The following CCDC149 variants were observed in gnomAD, a reference collection of about 807,000 sequenced individuals.
CCDC149 encodes coiled-coil domain-containing protein 149.
CCDC149 carries 45 observed loss-of-function variants against 59.9 expected under a neutral mutation model. The observed-to-expected ratio is 0.75, with a 90% CI of 0.59 to 0.96. The LOEUF is 0.96. Ranked by LOEUF, CCDC149 falls within the 40% of genes least tolerant of loss-of-function variation. CCDC149 has a pLI of 0.00. For synonymous variants in CCDC149, 245 were observed against 260.6 expected (o/e 0.94, Z 0.58); for missense variants, 584 against 664.7 (o/e 0.88, Z 1.33).
At chr4:24,912,777 C>G (rs778726603) in intron 1 of CCDC149, 40 bp downstream of exon 1, 3 of 1,213,982 alleles carry the variant, frequency 2.5e-6, no homozygotes, top group South Asian at 5.9e-5. Flanking sequence ...GGCGGCCGCT[C>G]GGCCCGGCCC....
At chr4:24,842,556 G>A (rs926610305) in intron 4 of CCDC149, among the ~76,000 whole-genome samples, 3 of 152,286 alleles carry the variant, frequency 2.0e-5, no homozygotes, top group East Asian at 1.9e-4. Context: ...GCCACCAATA[G>A]ACGCATTCAG....
At chr4:24,848,337 G>A (rs1176225627) in intron 4 of CCDC149, among the ~76,000 whole-genome samples, 4 of 152,234 alleles carry the variant, frequency 2.6e-5, no homozygotes, top group African/African-American at 4.8e-5. Flanking sequence ...TTGGGATGCC[G>A]AGGTGGGTGG....
intron 1 of CCDC149, among the ~76,000 whole-genome samples, chr4:24,889,212 G>C (rs1036198688): frequency 6.6e-6 from 1 of 152,036 alleles, no homozygotes; most frequent in Non-Finnish European, 1.5e-5. Flanking sequence ...CACCATCTCA[G>C]TCTCTGCATT....
At chr4:24,959,879 A>G (rs1162395585) in intron 1 of CCDC149, among the ~76,000 whole-genome samples, 1 of 152,244 alleles carries the variant, frequency 6.6e-6, no homozygotes, top group Non-Finnish European at 1.5e-5. Flanking sequence ...ATTCACCACC[A>G]GTAGACCTGC....
chr4:24,933,931 C>A (rs186514044), intron 1 of CCDC149, among the ~76,000 whole-genome samples: 538 of 152,292 alleles, frequency 3.5e-3, no homozygotes, highest in South Asian at 6.4e-3. Flanking sequence ...CATTCTGTTG[C>A]CAACGATGCT....
At chr4:24,943,263 A>T (rs1723003582) in intron 1 of CCDC149, among the ~76,000 whole-genome samples, 1 of 152,174 alleles carries the variant, frequency 6.6e-6, no homozygotes, top group African/African-American at 2.4e-5. Context: ...ATAATGCCGC[A>T]TATCTACAAC....
At chr4:24,935,846 T>C (rs1186628573) in intron 1 of CCDC149, among the ~76,000 whole-genome samples, 1 of 152,234 alleles carries the variant, frequency 6.6e-6, no homozygotes, top group East Asian at 1.9e-4. Context: ...GCGAGTCATC[T>C]ATATATAGCT....
At chr4:24,952,852 C>T (rs760170000) in intron 1 of CCDC149, among the ~76,000 whole-genome samples, 8 of 151,868 alleles carry the variant, frequency 5.3e-5, no homozygotes, top group African/African-American at 1.4e-4. Context: ...TTCCCCATCC[C>T]CTGGCAACCA....
At chr4:24,830,036 A>G (rs1716035840) in intron 9 of CCDC149, 1 of 152,876 alleles carries the variant, frequency 6.5e-6, no homozygotes, top group African/African-American at 2.4e-5. Flanking sequence ...AAGAGGAAAG[A>G]TCCCATGGAC....
intron 3 of CCDC149, among the ~76,000 whole-genome samples, chr4:24,866,300 T>C (rs561132975): frequency 6.6e-6 from 1 of 152,252 alleles, no homozygotes; most frequent in Non-Finnish European, 1.5e-5. Context: ...GTGGTACGTC[T>C]GCTTGAAATC....
intron 1 of CCDC149, among the ~76,000 whole-genome samples, chr4:24,923,559 T>C (rs1304571821): frequency 6.6e-6 from 1 of 152,110 alleles, no homozygotes. Flanking sequence ...CTGAAGGATG[T>C]ATAAAAGTTA....
rs979371211 is a variant in CCDC149 at position 24,837,576 on chromosome 4, T to C, written c.490-176A>G. ...TACAATAACAGCTAAAAGCGAGGGATGACTTCCTGCCAGACATTCATTATA... is the reference window on the plus strand; with the variant it reads ...TACAATAACAGCTAAAAGCGAGGGACGACTTCCTGCCAGACATTCATTATA... On this transcript the variant is annotated intron_variant, in intron 5 of 12. Transcript: ENST00000635206. This position sits in a 1 kb window ranked among gnomAD's most constrained non-coding sequence, Gnocchi z 4.3. Among the ~76,000 whole-genome samples the C allele has an allele frequency of 6.6e-6, 1 of 152,214 alleles. No homozygotes were observed. The highest frequency in any genetic ancestry group is 6.5e-5 in the Admixed American group (1 of 15,286).
chr4:24,975,573 G>T (rs1724149449), intron 1 of CCDC149, among the ~76,000 whole-genome samples: 2 of 135,320 alleles, frequency 1.5e-5, no homozygotes, highest in Non-Finnish European at 3.1e-5. Context: ...GAGGGGAGGG[G>T]AAGAGAGGAG....
chr4:24,833,090 T>G (rs909963641), intron 8 of CCDC149, among the ~76,000 whole-genome samples: 1 of 152,112 alleles, frequency 6.6e-6, no homozygotes, highest in African/African-American at 2.4e-5. Flanking sequence ...CAAGTCTGCT[T>G]TGGGTTTTTT....
At chr4:24,888,989 G>A (rs1482998883) in intron 1 of CCDC149, among the ~76,000 whole-genome samples, 1 of 151,794 alleles carries the variant, frequency 6.6e-6, no homozygotes, top group Non-Finnish European at 1.5e-5. Flanking sequence ...ACTTTTGACA[G>A]GCAAACTTTG....
chr4:24,928,450 T>G (rs186419101), intron 1 of CCDC149, among the ~76,000 whole-genome samples: 1 of 152,320 alleles, frequency 6.6e-6, no homozygotes, highest in East Asian at 1.9e-4. Context: ...GAATGGATGG[T>G]ATGCATAAAA....
rs1185808912 is a variant in CCDC149, at chr4:24,808,149, C to A, written c.*240G>T. 8.3e-6 allele frequency: 3 copies of A among 360,808 alleles called. No homozygotes were observed. Among genetic ancestry groups the A allele is most frequent in the Middle Eastern group, 7.1e-4 (1 of 1,412 alleles). 22.4% of individuals were successfully genotyped at this position (360,808 alleles called of 1,614,324 possible). A position where few individuals can be genotyped will look rare whatever the true frequency, so the allele number is the denominator to read the frequency against. Reference sequence around the variant, plus strand: ...CGATTCCTGGGCCTGGCCCTGTTCACAGTAGCACTCTCTGGCAGAAAAGAG... The same window carrying A: ...CGATTCCTGGGCCTGGCCCTGTTCAAAGTAGCACTCTCTGGCAGAAAAGAG... On this transcript the variant is annotated 3_prime_UTR_variant, in exon 13 of 13. Coordinates refer to ENST00000635206, the MANE Select transcript of CCDC149 (RefSeq NM_001330643.2).
chr4:24,967,539 C>G (rs1412408191), intron 1 of CCDC149, among the ~76,000 whole-genome samples: 2 of 151,872 alleles, frequency 1.3e-5, no homozygotes, highest in Non-Finnish European at 2.9e-5. Flanking sequence ...GCATTTTTCT[C>G]CACAGACATC....
intron 3 of CCDC149, among the ~76,000 whole-genome samples, chr4:24,864,777 A>T (rs1342651339): frequency 6.6e-6 from 1 of 152,248 alleles, no homozygotes; most frequent in Non-Finnish European, 1.5e-5. Context: ...CTTGAACAAC[A>T]CAGGCTTGAA....
Sources: gnomAD v4.1 joint callset for allele counts (sites outside exome capture counted in the v4.1 genomes callset) on GRCh38, gnomAD v4.1.1 for gene constraint, Gnocchi (gnomAD v3.1) non-coding constraint, MANE v1.5 for transcripts, NCBI Gene and HGNC (gene_info 2026-07-23, HGNC 2026-07-21) for gene names.